Variants in PARD3B observed in about 807,000 individuals in gnomAD.
PARD3B encodes the protein partitioning defective 3 homolog B.
In PARD3B, 103 loss-of-function variants were observed where a neutral mutation model predicts 130.2. The ratio of observed to expected loss-of-function variants is 0.79; its 90% CI spans 0.67 to 0.93. The LOEUF (loss-of-function observed/expected upper bound fraction) is 0.93. PARD3B is among the 40% of genes least tolerant of loss of function. The probability of loss-of-function intolerance (pLI) is 0.00; values close to 1 mark genes in which losing one functional copy is unlikely to be tolerated. For missense variants in PARD3B, 1,609 were observed against 1,499.2 expected (o/e 1.07, Z -1.21); for synonymous variants, 583 against 553.2 (o/e 1.05, Z -0.76).
At chr2:205,185,491 T>G (rs1260064300) in intron 13 of PARD3B, among the ~76,000 whole-genome samples, 1 of 152,192 alleles carries the variant, frequency 6.6e-6, no homozygotes, top group Non-Finnish European at 1.5e-5. Context: ...CAGCCTTTTG[T>G]TGGTGGGAAA....
intron 18 of PARD3B, among the ~76,000 whole-genome samples, chr2:205,349,517 A>G (rs774531852): frequency 2.0e-5 from 3 of 152,360 alleles, no homozygotes; most frequent in South Asian, 4.1e-4. Context: ...ACTTCCTAGC[A>G]TGATGCAAAC....
intron 18 of PARD3B, among the ~76,000 whole-genome samples, chr2:205,314,918 C>G (rs994507238): frequency 6.6e-6 from 1 of 152,146 alleles, no homozygotes; most frequent in Non-Finnish European, 1.5e-5. Context: ...TTCCCATCTC[C>G]ACCCTTCCGT....
At chr2:204,860,678 G>A (rs565027923) in intron 2 of PARD3B, among the ~76,000 whole-genome samples, 152 of 152,274 alleles carry the variant, frequency 1.0e-3, no homozygotes, top group African/African-American at 3.5e-3. Context: ...TGATTGGAAC[G>A]TAGTTTCATA....
intron 4 of PARD3B, among the ~76,000 whole-genome samples, chr2:205,098,693 C>T (rs1167093796): frequency 6.6e-6 from 1 of 152,060 alleles, no homozygotes; most frequent in African/African-American, 2.4e-5. Context: ...GGTACTGATA[C>T]CTTAATCACC....
intron 10 of PARD3B, among the ~76,000 whole-genome samples, chr2:205,143,798 G>GA: frequency 6.6e-6 from 1 of 152,180 alleles, no homozygotes; most frequent in Non-Finnish European, 1.5e-5. Context: ...CCTACTTCAG[G>GA]AAAATCTCAC....
intron 2 of PARD3B, among the ~76,000 whole-genome samples, chr2:204,786,113 CAAAAAAAA>C: frequency 1.1e-5 from 1 of 94,006 alleles, no homozygotes; most frequent in East Asian, 3.0e-4. Context: ...GACTCCATCT[CAAAAAAAA>C]AAAAAAAAAA....
intron 3 of PARD3B, among the ~76,000 whole-genome samples, chr2:205,007,908 T>C (rs1271995998): frequency 6.6e-6 from 1 of 152,200 alleles, no homozygotes; most frequent in Non-Finnish European, 1.5e-5. Flanking sequence ...ATCTTTTACC[T>C]CCTTGGTTAA....
chr2:204,887,209 G>A lies in PARD3B; in HGVS notation c.223-77943G>A, dbSNP rs1015740378. ...TAATTCATTTATTAAAGGAGTATTA[G>A]AATCCATAGTAGTATGTTTCCATCT... On this transcript the variant is annotated intron_variant, in intron 2 of 22. Coordinates refer to ENST00000406610, the MANE Select transcript of PARD3B (RefSeq NM_001302769.2). This position sits in a 1 kb window ranked among gnomAD's most constrained non-coding sequence, Gnocchi z 4.2. Among the ~76,000 whole-genome samples the A allele has an allele frequency of 2.0e-5, 3 of 152,138 alleles. No individual in the cohort carries two copies. The highest frequency in any genetic ancestry group is 6.5e-5 in the Admixed American group (1 of 15,272).
rs936722155 is a variant in PARD3B at position 204,887,946 on chromosome 2, G to A, written c.223-77206G>A. ...GGAGGTGAAATTTGAGCTGATTCTT[G>A]AGGAATGTATGAGAACTGTTAAGAC... On this transcript the variant is annotated intron_variant, in intron 2 of 22. Transcript: ENST00000406610. The surrounding 1 kb of genome is among the most constrained non-coding windows in gnomAD (Gnocchi z 4.2). 6.6e-6 allele frequency among the ~76,000 whole-genome samples: 1 copy of A among 152,106 alleles called. No homozygotes were observed.
intron 16 of PARD3B, among the ~76,000 whole-genome samples, chr2:205,246,747 G>T (rs558128404): frequency 6.6e-6 from 1 of 152,248 alleles, no homozygotes; most frequent in South Asian, 2.1e-4. Context: ...ATGTTCCAGG[G>T]CAAGATTATG....
At chr2:205,065,138 A>C (rs747662629) in intron 4 of PARD3B, among the ~76,000 whole-genome samples, 2 of 152,238 alleles carry the variant, frequency 1.3e-5, no homozygotes, top group African/African-American at 2.4e-5. Flanking sequence ...AGGCACAGGA[A>C]GATGAGGTCA....
At chr2:205,248,809 A>G (rs932873242) in intron 16 of PARD3B, among the ~76,000 whole-genome samples, 14 of 151,188 alleles carry the variant, frequency 9.3e-5, no homozygotes, top group Admixed American at 4.0e-4. Context: ...AGGTTTCACC[A>G]TGTTAGCCAG....
chr2:204,851,743 A>G (rs1050445515), intron 2 of PARD3B, among the ~76,000 whole-genome samples: 4 of 151,904 alleles, frequency 2.6e-5, no homozygotes, highest in African/African-American at 9.7e-5. Context: ...GCATTTGACA[A>G]TCCTTTTTTT....
At chr2:205,065,227 A>G (rs1381298748) in intron 4 of PARD3B, among the ~76,000 whole-genome samples, 1 of 152,210 alleles carries the variant, frequency 6.6e-6, no homozygotes, top group East Asian at 1.9e-4. Context: ...GATGCCACAG[A>G]TAGAGTGAGA....
At chr2:205,334,550 T>C (rs1328450325) in intron 18 of PARD3B, among the ~76,000 whole-genome samples, 1 of 152,172 alleles carries the variant, frequency 6.6e-6, no homozygotes, top group Non-Finnish European at 1.5e-5. Flanking sequence ...TTTGTATGTG[T>C]TTGTTGTCAG....
Position 205,104,466 on chromosome 2 carries a change from G to C in PARD3B, c.545G>C (p.Gly182Ala). Residue 182 changes from glycine (G) to alanine (A), a missense_variant, in exon 5 of 23, where the codon GGT becomes GCT. By Grantham distance (60) the Gly-to-Ala change is moderately conservative. Transcript: ENST00000406610. ...TTGGAAGACAGAGAAGTTTTGAATG[G>C]TGTACAGACAGAACTACTAACTTCG... ...QNLEDREVLN[G>A]VQTELLTSPR... 6.2e-7 allele frequency: 1 copy of C among 1,603,460 alleles called. No individual in the cohort carries two copies.
intron 2 of PARD3B, among the ~76,000 whole-genome samples, chr2:204,941,625 T>C (rs555404258): frequency 2.4e-4 from 37 of 152,296 alleles, no homozygotes; most frequent in African/African-American, 7.9e-4. Context: ...GAGTTCTTTG[T>C]GCTGTAGGGT....
intron 21 of PARD3B, among the ~76,000 whole-genome samples, chr2:205,540,015 G>C (rs1010720840): frequency 2.0e-5 from 3 of 152,130 alleles, no homozygotes; most frequent in Admixed American, 6.6e-5. Context: ...TACTCAGCTT[G>C]CAGGGAAGTC....
In PARD3B at chr2:205,558,788, TGCCTCCAAGAC is replaced by T. The variant is rs376702648; in HGVS notation, c.3260+5395_3260+5405del. ...ACCCCGTTTGATATACTCCTCCTTCTGCCTCCAAGACGCCTCCAAGTCCCCCTGCCAAAACC... is the reference window on the plus strand; with the variant it reads ...ACCCCGTTTGATATACTCCTCCTTCTGCCTCCAAGTCCCCCTGCCAAAACC... On this transcript the variant is annotated intron_variant, in intron 22 of 22. Coordinates refer to ENST00000406610, the MANE Select transcript of PARD3B (RefSeq NM_001302769.2). The surrounding 1 kb of genome is among the most constrained non-coding windows in gnomAD (Gnocchi z 4.8). Among the ~76,000 whole-genome samples the T allele has an allele frequency of 1.3e-4, 20 of 152,232 alleles. No individual in the cohort carries two copies. Among genetic ancestry groups the T allele is most frequent in the African/African-American group, 4.6e-4 (19 of 41,526 alleles).
Sources: allele counts gnomAD v4.1 joint callset (sites outside exome capture counted in the v4.1 genomes callset), GRCh38; gene constraint gnomAD v4.1.1; non-coding constraint Gnocchi (gnomAD v3.1); transcripts MANE v1.5; gene names NCBI Gene and HGNC (gene_info 2026-07-23, HGNC 2026-07-21).